The following RAB11FIP2 variants were observed in gnomAD, a reference collection of about 807,000 sequenced individuals.
RAB11FIP2 encodes the protein RAB11 family interacting protein 2.
A neutral mutation model predicts 40.9 loss-of-function variants in RAB11FIP2; 16 were observed. The observed-to-expected ratio is 0.39, with a 90% CI of 0.26 to 0.59. The LOEUF is 0.59. Ranked by LOEUF, RAB11FIP2 falls within the 20% of genes least tolerant of loss-of-function variation. The pLI is 0.53. For missense variants in RAB11FIP2, 532 were observed against 606.2 expected (o/e 0.88, Z 1.28); for synonymous variants, 228 against 213.7 (o/e 1.07, Z -0.58).
intron 3 of RAB11FIP2, among the ~76,000 whole-genome samples, chr10:118,035,324 T>C (rs918426139): frequency 2.6e-5 from 4 of 152,192 alleles, no homozygotes; most frequent in South Asian, 2.1e-4. Context: ...CAGTTCTTAA[T>C]AGTCTCCAGA....
intron 4 of RAB11FIP2, 118 bp downstream of exon 4, chr10:118,014,947 T>C: frequency 1.2e-6 from 1 of 811,934 alleles, no homozygotes; most frequent in Non-Finnish European, 2.0e-6. Context: ...TACGCTAAGC[T>C]ACAATTCTTA....
chr10:118,010,164 G>C (rs565888863), intron 4 of RAB11FIP2, among the ~76,000 whole-genome samples: 28 of 152,184 alleles, frequency 1.8e-4, no homozygotes, highest in African/African-American at 6.7e-4. Flanking sequence ...TTTATTTATA[G>C]TGTATAGCAT....
rs781627852 is a variant in RAB11FIP2, at chr10:118,034,055, A to G, written c.1265+4917T>C. On this transcript the variant is annotated intron_variant, in intron 3 of 4. Transcript: ENST00000355624. ...AGCAAAGTATTTCTGTAAAGCCCAA[A>G]CAATAAATAGTTTTAGCTTTGTGGG... The G allele has an allele frequency of 5.7e-6, 4 of 701,180 alleles. No individual in the cohort carries two copies. The South Asian group carries it at 5.9e-5, about 10-fold the overall frequency. 43.4% of individuals were successfully genotyped at this position (701,180 alleles called of 1,614,324 possible). A position where few individuals can be genotyped will look rare whatever the true frequency, so the allele number is the denominator to read the frequency against.
chr10:118,022,807 ATGC>A (rs1383484188), intron 3 of RAB11FIP2, among the ~76,000 whole-genome samples: 1 of 152,196 alleles, frequency 6.6e-6, no homozygotes, highest in Non-Finnish European at 1.5e-5. Context: ...TAACAAAAGT[ATGC>A]TGAATACATT....
chr10:118,019,980 A>G (rs1048795030), intron 3 of RAB11FIP2, among the ~76,000 whole-genome samples: 6 of 152,208 alleles, frequency 3.9e-5, no homozygotes, highest in Non-Finnish European at 8.8e-5. Context: ...GCATAGAAAA[A>G]CATCCTAAAA....
intron 3 of RAB11FIP2, chr10:118,018,369 T>TAATCC (rs1846246947): frequency 6.6e-6 from 1 of 152,236 alleles, no homozygotes. Context: ...AGATATCGAA[T>TAATCC]AATCCGGTCT....
intron 4 of RAB11FIP2, among the ~76,000 whole-genome samples, chr10:118,014,356 C>T (rs1181907322): frequency 1.3e-5 from 2 of 152,110 alleles, no homozygotes; most frequent in Non-Finnish European, 2.9e-5. Flanking sequence ...TAGTTTTCTA[C>T]CAAGAACGTT....
intron 3 of RAB11FIP2, among the ~76,000 whole-genome samples, chr10:118,028,299 T>C (rs1230415071): frequency 6.6e-6 from 1 of 150,634 alleles, no homozygotes; most frequent in Non-Finnish European, 1.5e-5. Flanking sequence ...GTATAATATA[T>C]TAAATATATA....
intron 3 of RAB11FIP2, among the ~76,000 whole-genome samples, chr10:118,023,213 T>C (rs1447008921): frequency 6.6e-6 from 1 of 152,064 alleles, no homozygotes; most frequent in Non-Finnish European, 1.5e-5. Context: ...TCCACAGAGG[T>C]TACATGTTGA....
chr10:118,026,275 A>G (rs1413665018), intron 3 of RAB11FIP2, among the ~76,000 whole-genome samples: 2 of 152,214 alleles, frequency 1.3e-5, no homozygotes, highest in Non-Finnish European at 2.9e-5. Flanking sequence ...AATACTTAAC[A>G]TTCAAATTTT....
At chr10:118,023,886 C>G (rs1302129004) in intron 3 of RAB11FIP2, among the ~76,000 whole-genome samples, 1 of 151,958 alleles carries the variant, frequency 6.6e-6, no homozygotes, top group Non-Finnish European at 1.5e-5. Flanking sequence ...GTCAGGAGTT[C>G]AAGACCAGCC....
Position 118,040,103 on chromosome 10 carries a change from C to G in RAB11FIP2, c.796+20G>C, listed in dbSNP as rs1846535186. ...AAAGGGTAGTTCAGACCAATGAGTA[C>G]ACAAGAATGTGACACTTACCACTTT... is the stretch of plus-strand genomic sequence containing the variant. On this transcript the variant is annotated intron_variant, in intron 2 of 4. Coordinates refer to ENST00000355624, the MANE Select transcript of RAB11FIP2 (RefSeq NM_014904.3). 1.3e-6 allele frequency: 2 copies of G among 1,597,590 alleles called. No individual in the cohort carries two copies. Among genetic ancestry groups the G allele is most frequent in the Admixed American group, 3.4e-5 (2 of 58,984 alleles).
At chr10:118,042,679 T>C (rs1846576154) in intron 1 of RAB11FIP2, among the ~76,000 whole-genome samples, 1 of 152,172 alleles carries the variant, frequency 6.6e-6, no homozygotes, top group African/African-American at 2.4e-5. Context: ...AGAACTATAT[T>C]CTTACAAGTA....
chr10:118,030,130 CA>C (rs1846395566), intron 3 of RAB11FIP2, among the ~76,000 whole-genome samples: 1 of 152,098 alleles, frequency 6.6e-6, no homozygotes, highest in Non-Finnish European at 1.5e-5. Flanking sequence ...GATGTGCTTC[CA>C]ATGCATTTTT....
At chr10:118,015,695 C>T (rs1846211267) in intron 3 of RAB11FIP2, among the ~76,000 whole-genome samples, 3 of 152,168 alleles carry the variant, frequency 2.0e-5, no homozygotes, top group South Asian at 4.1e-4. Flanking sequence ...CAAAACAACA[C>T]AGATTTCTCC....
In RAB11FIP2 at chr10:118,046,835, C is replaced by T. The variant is rs1021373645; in HGVS notation, c.-672G>A. The stretch of plus-strand genomic sequence containing the variant: ...GTGGGGCGGGCAGCGGGCTGCAGGG[C>T]TGCGGGCGCTTGGTTCGGCCTGGCC... On this transcript the variant is annotated 5_prime_UTR_variant, in exon 1 of 5. Transcript: ENST00000355624. 6 of 152,514 alleles carry T rather than the reference C, an allele frequency of 3.9e-5. No individual in the cohort carries two copies. The highest frequency in any genetic ancestry group is 9.7e-5 in the African/African-American group (4 of 41,404). 9.4% of individuals were successfully genotyped at this position (152,514 alleles called of 1,614,324 possible).
rs552765110 is a variant in RAB11FIP2 at position 118,007,231 on chromosome 10, G to A, written c.*1767C>T. The A allele has an allele frequency of 3.9e-4, 58 of 150,560 alleles. No individual in the cohort carries two copies. Among genetic ancestry groups the A allele is most frequent in the African/African-American group, 1.3e-3 (54 of 41,140 alleles). The allele number at this position is 150,560 out of a possible 1,614,324, so 9.3% of individuals were successfully genotyped here. ...ATACCATTCTACACCAGACTTTGAGGTTTATTACAGAATCTTGAGGAGAAA... is the reference window on the plus strand; with the variant it reads ...ATACCATTCTACACCAGACTTTGAGATTTATTACAGAATCTTGAGGAGAAA... On this transcript the variant is annotated 3_prime_UTR_variant, in exon 5 of 5. Transcript: ENST00000355624.
Position 118,046,291 on chromosome 10 carries a change from A to G in RAB11FIP2, c.-128T>C. On this transcript the variant is annotated 5_prime_UTR_variant, in exon 1 of 5. Transcript: ENST00000355624. ...AAACAGGCAGGCTCAGGGCTCCCCG[A>G]CTTCCCTATGGCTGATGTCAAAACG... is the stretch of plus-strand genomic sequence containing the variant. 3.6e-6 allele frequency: 3 copies of G among 826,868 alleles called. No individual in the cohort carries two copies. Among genetic ancestry groups the G allele is most frequent in the Non-Finnish European group, 5.8e-6 (3 of 520,666 alleles). 51.2% of individuals were successfully genotyped at this position (826,868 alleles called of 1,614,324 possible). A position where few individuals can be genotyped will look rare whatever the true frequency, so the allele number is the denominator to read the frequency against.
Position 118,008,317 on chromosome 10 carries a change from G to C in RAB11FIP2, c.*681C>G, listed in dbSNP as rs990909350. 1.3e-5 allele frequency: 2 copies of C among 152,486 alleles called. No individual in the cohort carries two copies. The highest frequency in any genetic ancestry group is 2.9e-5 in the Non-Finnish European group (2 of 68,040). 9.4% of individuals were successfully genotyped at this position (152,486 alleles called of 1,614,324 possible). A position where few individuals can be genotyped will look rare whatever the true frequency, so the allele number is the denominator to read the frequency against. ...TTGAAACCAAGGTCCATGTAGTCAA[G>C]AGTGATTTGAAGCAGCTTCTCTATA... On this transcript the variant is annotated 3_prime_UTR_variant, in exon 5 of 5. Transcript: ENST00000355624.
Sources: allele counts gnomAD v4.1 joint callset (sites outside exome capture counted in the v4.1 genomes callset), GRCh38; gene constraint gnomAD v4.1.1; transcripts MANE v1.5; gene names NCBI Gene and HGNC (gene_info 2026-07-23, HGNC 2026-07-21).